TRPM3: variants seen among roughly 807,000 people sequenced by gnomAD.
The protein encoded by TRPM3 is long transient receptor potential channel 3.
A neutral mutation model predicts 181.2 loss-of-function variants in TRPM3; 77 were observed. The observed-to-expected ratio is 0.42, with a 90% CI of 0.35 to 0.51. The LOEUF (loss-of-function observed/expected upper bound fraction) is 0.51. TRPM3 is among the 20% of genes least tolerant of loss of function. The pLI is 0.01. For missense variants in TRPM3, 1,759 were observed against 2,196.7 expected (o/e 0.80, Z 3.98); for synonymous variants, 745 against 796.4 (o/e 0.94, Z 1.09).
Position 71,328,186 on chromosome 9 carries a change from A to G in TRPM3, c.183+118467T>C, listed in dbSNP as rs1338668064. Among the ~76,000 whole-genome samples the G allele has an allele frequency of 2.0e-5, 3 of 151,828 alleles. 1 individual carries two copies. The highest frequency in any genetic ancestry group is 7.3e-5 in the African/African-American group (3 of 41,306). ...TTTTTGTTTGTTTGTTTGTTTTGAG[A>G]TGGAGTCTCGCTCTGTCACCCAGGC... On this transcript the variant is annotated intron_variant, in intron 1 of 24. Transcript: ENST00000357533.
chr9:71,139,707 C>A (rs1227393142), intron 1 of TRPM3, among the ~76,000 whole-genome samples: 1 of 152,162 alleles, frequency 6.6e-6, no homozygotes, highest in Admixed American at 6.6e-5. Flanking sequence ...AATACTTACC[C>A]TGTAGCCAGC....
chr9:70,817,492 A>G (rs2092800802), intron 6 of TRPM3, among the ~76,000 whole-genome samples: 1 of 152,216 alleles, frequency 6.6e-6, no homozygotes, highest in Non-Finnish European at 1.5e-5. Flanking sequence ...TGAAGCATCT[A>G]TTATTTTGAG....
chr9:70,583,333 A>C (rs1438576878), intron 22 of TRPM3, among the ~76,000 whole-genome samples: 2 of 152,240 alleles, frequency 1.3e-5, no homozygotes, highest in East Asian at 3.8e-4. Flanking sequence ...TTGCGGGCTC[A>C]GGCTACATGG....
At chr9:70,683,479 T>C (rs1265109098) in intron 8 of TRPM3, among the ~76,000 whole-genome samples, 13 of 136,016 alleles carry the variant, frequency 9.6e-5, no homozygotes, top group Admixed American at 7.1e-4. Context: ...GGTTTCATTA[T>C]GTTGCCCAGG....
At chr9:70,942,613 A>G (rs892591472) in intron 1 of TRPM3, among the ~76,000 whole-genome samples, 1 of 152,178 alleles carries the variant, frequency 6.6e-6, no homozygotes, top group African/African-American at 2.4e-5. Flanking sequence ...GGTCCTATGT[A>G]GCATATGCTT....
chr9:70,908,673 C>T (rs112123156), intron 1 of TRPM3, among the ~76,000 whole-genome samples: 33 of 152,266 alleles, frequency 2.2e-4, no homozygotes, highest in African/African-American at 6.3e-4. Flanking sequence ...ATTCAAATGG[C>T]GGATGCAAGC....
At chr9:71,175,947 T>C (rs1021210484) in intron 1 of TRPM3, among the ~76,000 whole-genome samples, 7 of 152,154 alleles carry the variant, frequency 4.6e-5, no homozygotes, top group African/African-American at 1.7e-4. Context: ...AGTGATGTCA[T>C]AGCCATCTTA....
chr9:70,970,731 T>C lies in TRPM3; in HGVS notation c.178-106220A>G, dbSNP rs567874776. Among the ~76,000 whole-genome samples, 11 of 152,318 alleles carry C rather than the reference T, an allele frequency of 7.2e-5. No homozygotes were observed. The South Asian group carries it at 2.3e-3, about 32-fold the overall frequency. On this transcript the variant is annotated intron_variant, in intron 1 of 25. Transcript: ENST00000677713. ...GAATGCTTCTAAGCAGGGAAGCTTCTCTGTGCGTTGTGTTGACCACTGACC... is the reference window on the plus strand; with the variant it reads ...GAATGCTTCTAAGCAGGGAAGCTTCCCTGTGCGTTGTGTTGACCACTGACC...
intron 6 of TRPM3, among the ~76,000 whole-genome samples, chr9:70,815,226 G>A (rs1329696736): frequency 6.6e-6 from 1 of 151,798 alleles, no homozygotes; most frequent in Non-Finnish European, 1.5e-5. Flanking sequence ...GCCCAACAGC[G>A]GTATTACATT....
At chr9:70,659,291 A>G (rs960659849) in intron 9 of TRPM3, among the ~76,000 whole-genome samples, 1 of 152,062 alleles carries the variant, frequency 6.6e-6, no homozygotes, top group Admixed American at 6.6e-5. Flanking sequence ...GTCCTTGTAC[A>G]GGGTTCCTGA....
At chr9:70,699,464 A>G (rs1160084913) in intron 8 of TRPM3, among the ~76,000 whole-genome samples, 1 of 152,232 alleles carries the variant, frequency 6.6e-6, no homozygotes, top group Admixed American at 6.5e-5. Flanking sequence ...TTGGGTAAAG[A>G]AAAGGCAACT....
At chr9:71,030,954 T>C (rs1027164230) in intron 1 of TRPM3, among the ~76,000 whole-genome samples, 1 of 152,188 alleles carries the variant, frequency 6.6e-6, no homozygotes, top group Non-Finnish European at 1.5e-5. Flanking sequence ...TTGAGTCAAA[T>C]GTTGAAATGT....
chr9:70,903,506 G>GT (rs151085931), intron 1 of TRPM3, among the ~76,000 whole-genome samples: 2,359 of 148,252 alleles, frequency 0.016, 47 homozygotes, highest in African/African-American at 0.047. Context: ...TGTTTTTGGG[G>GT]TTTTTTTTTT....
chr9:70,784,010 A>G (rs1588288315), intron 7 of TRPM3, 95 bp downstream of exon 7: 1 of 1,498,554 alleles, frequency 6.7e-7, no homozygotes. Flanking sequence ...TTTTGATTTG[A>G]GGTCTTGGTT....
chr9:71,370,887 A>G (rs2092488236), intron 1 of TRPM3, among the ~76,000 whole-genome samples: 1 of 152,160 alleles, frequency 6.6e-6, no homozygotes, highest in African/African-American at 2.4e-5. Flanking sequence ...ACAGCTGATG[A>G]CTTTAACTTG....
intron 3 of TRPM3, among the ~76,000 whole-genome samples, chr9:70,859,627 T>C (rs2095475009): frequency 6.6e-6 from 1 of 152,186 alleles, no homozygotes; most frequent in African/African-American, 2.4e-5. Context: ...CACAAGTATT[T>C]TAATACTAAG....
intron 6 of TRPM3, among the ~76,000 whole-genome samples, chr9:70,785,159 G>C (rs967884925): frequency 1.3e-5 from 2 of 152,194 alleles, no homozygotes; most frequent in Non-Finnish European, 2.9e-5. Context: ...TGTGAGTTCA[G>C]TAAACATTTG....
intron 1 of TRPM3, among the ~76,000 whole-genome samples, chr9:71,278,564 G>C (rs991198463): frequency 6.6e-6 from 1 of 152,176 alleles, no homozygotes; most frequent in African/African-American, 2.4e-5. Context: ...TAGGCACAAA[G>C]AAAAGTACAT....
At chr9:71,429,043 G>A (rs537894612) in intron 1 of TRPM3, among the ~76,000 whole-genome samples, 13 of 151,758 alleles carry the variant, frequency 8.6e-5, no homozygotes, top group Non-Finnish European at 1.6e-4. Context: ...GTATCTCATT[G>A]GTTAATCTCA....
Sources: gnomAD v4.1 joint callset for allele counts (sites outside exome capture counted in the v4.1 genomes callset) on GRCh38, gnomAD v4.1.1 for gene constraint, MANE v1.5 for transcripts, NCBI Gene and HGNC (gene_info 2026-07-23, HGNC 2026-07-21) for gene names.